Variants in TRIM69 observed in about 807,000 individuals in gnomAD.
TRIM69 encodes the protein tripartite motif containing 69, also known as E3 ubiquitin-protein ligase TRIM69.
In TRIM69, 29 loss-of-function variants were observed where a neutral mutation model predicts 37.7. The observed-to-expected ratio is 0.77, with a 90% CI of 0.57 to 1.05. The LOEUF is 1.05. TRIM69 is among the 50% of genes least tolerant of loss of function. The probability of loss-of-function intolerance (pLI) is 0.00; values close to 1 mark genes in which losing one functional copy is unlikely to be tolerated. For missense variants in TRIM69, 596 were observed against 579.9 expected, an observed-to-expected ratio of 1.03 and a Z score of -0.28; for synonymous variants, 209 against 212.4, an observed-to-expected ratio of 0.98 and a Z score of 0.14.
chr15:44,767,556 G>T lies in TRIM69; in HGVS notation c.1287G>T (p.Leu429Phe). 1 of 1,614,186 alleles carries T rather than the reference G, an allele frequency of 6.2e-7. No individual in the cohort carries two copies. The highest frequency in any genetic ancestry group is 1.3e-5 in the African/African-American group (1 of 75,052). The change falls in exon 7 of 7, where the codon TTG becomes TTT. Residue 429 changes from leucine to phenylalanine, a missense_variant. Leu to Phe is a conservative substitution (Grantham distance 22). Transcript: ENST00000329464. Reference sequence around the variant, plus strand: ...AAACTGATCTAAAGGCTCTGGATTTGCCTTCTTTCAGTCTGACACTGACTA... The same window carrying T: ...AAACTGATCTAAAGGCTCTGGATTTTCCTTCTTTCAGTCTGACACTGACTA... ...RNQTDLKALD[L>F]PSFSLTLTNN...
chr15:44,752,073 C>T (rs568057151), intron 1 of TRIM69, among the ~76,000 whole-genome samples: 2 of 152,002 alleles, frequency 1.3e-5, no homozygotes, highest in South Asian at 4.2e-4. Context: ...TGTTTTTACT[C>T]ATCTCAAAGT....
chr15:44,742,374 A>C (rs1458361126), intron 1 of TRIM69, among the ~76,000 whole-genome samples: 3 of 143,508 alleles, frequency 2.1e-5, no homozygotes, highest in Non-Finnish European at 4.6e-5. Flanking sequence ...CTGAATGGGC[A>C]AAAACTGGAA....
At chr15:44,764,895 G>T (rs547864579) in intron 6 of TRIM69, among the ~76,000 whole-genome samples, 97 of 152,350 alleles carry the variant, frequency 6.4e-4, no homozygotes, top group African/African-American at 2.3e-3. Flanking sequence ...CAAAGTAAAT[G>T]AGGGAAAGTG....
intron 1 of TRIM69, 32 bp downstream of exon 1, chr15:44,736,742 G>C: frequency 6.2e-7 from 1 of 1,606,836 alleles, no homozygotes; most frequent in South Asian, 1.1e-5. Flanking sequence ...TAACTTAGCA[G>C]GGCTTCTAGG....
rs539939459 is a variant in TRIM69 at position 44,741,872 on chromosome 15, G to A, written c.6+5162G>A. On this transcript the variant is annotated intron_variant, in intron 1 of 6. Coordinates refer to ENST00000329464, the MANE Select transcript of TRIM69 (RefSeq NM_182985.5). Reference sequence around the variant, plus strand: ...TCCAGGACCAGATGGATTCACAGCCGAATTCTACCAGAGGTACAAGGAGGA... The same window carrying A: ...TCCAGGACCAGATGGATTCACAGCCAAATTCTACCAGAGGTACAAGGAGGA... Among the ~76,000 whole-genome samples the A allele has an allele frequency of 4.4e-4, 67 of 151,722 alleles. No individual in the cohort carries two copies. The East Asian group carries it at 0.01, about 23-fold the overall frequency.
At chr15:44,739,334 G>A (rs1431396177) in intron 1 of TRIM69, among the ~76,000 whole-genome samples, 1 of 152,254 alleles carries the variant, frequency 6.6e-6, no homozygotes, top group East Asian at 1.9e-4. Context: ...ATTTCCATCT[G>A]AGGTACCAGT....
chr15:44,756,416 C>T lies in TRIM69; in HGVS notation c.532C>T (p.Leu178Phe), dbSNP rs143209412. 1,052 of 1,551,188 alleles carry T rather than the reference C, an allele frequency of 6.8e-4. 1 individual carries two copies. Among genetic ancestry groups the T allele is most frequent in the Non-Finnish European group, 8.9e-4 (1,020 of 1,146,866 alleles). Residue 178 changes from leucine (L) to phenylalanine (F), a missense_variant, in exon 3 of 7, where the codon CTT (leucine) becomes TTT (phenylalanine). By Grantham distance (22) the Leu-to-Phe change is conservative. Transcript: ENST00000329464. The stretch of plus-strand genomic sequence containing the variant: ...TCAACTGGAGACAACTCTGAAGGAG[C>T]TTCAGACCCTGAGGAACATGCAGAA... ...QGQLETTLKE[L>F]QTLRNMQKEA...
intron 6 of TRIM69, 149 bp from the exon 7 acceptor site, chr15:44,767,082 A>AG: frequency 2.6e-6 from 1 of 391,702 alleles, no homozygotes; most frequent in Non-Finnish European, 4.5e-6. Flanking sequence ...AAAAAAAAAA[A>AG]AAGCATATAA....
chr15:44,742,337 T>C (rs2087308782), intron 1 of TRIM69, among the ~76,000 whole-genome samples: 1 of 142,122 alleles, frequency 7.0e-6, no homozygotes, highest in Admixed American at 7.2e-5. Flanking sequence ...AAGAGCTATC[T>C]ATGACAAACC....
At chr15:44,739,395 C>T (rs576904272) in intron 1 of TRIM69, among the ~76,000 whole-genome samples, 2 of 152,312 alleles carry the variant, frequency 1.3e-5, no homozygotes, top group Non-Finnish European at 2.9e-5. Context: ...GTGGGTGCAG[C>T]GCACCGTGCG....
intron 3 of TRIM69, 112 bp downstream of exon 3, chr15:44,756,575 C>T: frequency 1.5e-6 from 1 of 684,152 alleles, no homozygotes; most frequent in South Asian, 1.9e-5. Context: ...CTAAATGGTA[C>T]CTAGGCTATG....
intron 1 of TRIM69, among the ~76,000 whole-genome samples, chr15:44,750,787 C>T (rs190928217): frequency 2.5e-3 from 328 of 131,636 alleles, no homozygotes; most frequent in Non-Finnish European, 4.3e-3. Flanking sequence ...TGCAGTGGCG[C>T]GATCTTGGCT....
At chr15:44,744,863 G>A (rs1215106960) in intron 1 of TRIM69, among the ~76,000 whole-genome samples, 1 of 152,102 alleles carries the variant, frequency 6.6e-6, no homozygotes, top group Non-Finnish European at 1.5e-5. Context: ...TACCCTGGAG[G>A]TATAGTTTGG....
chr15:44,741,299 T>C (rs1315416972), intron 1 of TRIM69, among the ~76,000 whole-genome samples: 1 of 152,076 alleles, frequency 6.6e-6, no homozygotes, highest in African/African-American at 2.4e-5. Flanking sequence ...CCAGAATCTC[T>C]GGGACACATT....
At chr15:44,743,041 A>T (rs1443346482) in intron 1 of TRIM69, among the ~76,000 whole-genome samples, 1 of 152,138 alleles carries the variant, frequency 6.6e-6, no homozygotes, top group Non-Finnish European at 1.5e-5. Context: ...AGCTAGAGGC[A>T]TCATGCTACC....
intron 1 of TRIM69, among the ~76,000 whole-genome samples, chr15:44,750,499 A>G (rs1256326141): frequency 6.6e-6 from 1 of 152,006 alleles, no homozygotes; most frequent in Non-Finnish European, 1.5e-5. Flanking sequence ...GAAATTTTCC[A>G]TCTCATCTGG....
chr15:44,755,849 A>G (rs1449162253), intron 2 of TRIM69, among the ~76,000 whole-genome samples: 1 of 152,200 alleles, frequency 6.6e-6, no homozygotes, highest in African/African-American at 2.4e-5. Flanking sequence ...AAGGGAAAGG[A>G]CTTGAACTGG....
At position 44,755,012 on chromosome 15, in the gene TRIM69, A is replaced by G. The variant is rs1337835844; in HGVS notation, c.119A>G (p.His40Arg). 6.2e-7 allele frequency: 1 copy of G among 1,614,088 alleles called. No individual in the cohort carries two copies. Among genetic ancestry groups the G allele is most frequent in the Non-Finnish European group, 8.5e-7 (1 of 1,180,034 alleles). Residue 40 changes from histidine (H) to arginine (R), a missense_variant, in exon 2 of 7, where the codon CAC (histidine) becomes CGC (arginine). Physicochemically the swap from His to Arg is conservative, Grantham distance 29. Transcript: ENST00000329464. ...ATACAAGATATTACTATGGAGCTAC[A>G]CTGCCCTCTGTGCAATGATTGGTTC... ...VVIQDITMEL[H>R]CPLCNDWFRD...
chr15:44,742,250 T>C (rs1418903177), intron 1 of TRIM69, among the ~76,000 whole-genome samples: 1 of 150,332 alleles, frequency 6.7e-6, no homozygotes, highest in Admixed American at 6.7e-5. Context: ...AGAAAAGGCC[T>C]TTGACAAAAT....
Sources: allele counts gnomAD v4.1 joint callset (sites outside exome capture counted in the v4.1 genomes callset), GRCh38; gene constraint gnomAD v4.1.1; transcripts MANE v1.5; gene names NCBI Gene and HGNC (gene_info 2026-07-23, HGNC 2026-07-21).